Variants in TERT observed in about 807,000 individuals in gnomAD.
TERT encodes the protein telomerase catalytic subunit.
A neutral mutation model predicts 104.0 loss-of-function variants in TERT; 42 were observed. The ratio of observed to expected loss-of-function variants is 0.40; its 90% confidence interval spans 0.32 to 0.52. The LOEUF (loss-of-function observed/expected upper bound fraction) is 0.52, where lower values mean the gene tolerates loss of function less well. Among genes scored for constraint, TERT ranks in the 20% least tolerant of loss-of-function variants. The pLI, the probability that TERT is intolerant of heterozygous loss-of-function variation, is 0.43. For missense variants in TERT, 1,101 were observed against 1,610.3 expected (o/e 0.68, Z 5.41); for synonymous variants, 781 against 725.6 (o/e 1.08, Z -1.23).
rs553818689 is a variant in TERT, at chr5:1,253,589, C to T, written c.*139G>A. On this transcript the variant is annotated 3_prime_UTR_variant, in exon 16 of 16. Coordinates refer to ENST00000310581, the MANE Select transcript of TERT (RefSeq NM_198253.3). ...AGCCTTCAGCCGGACATGCAGGCCT[C>T]GGCCAAACACTCACTCAGGCCTCAG... 8.2e-6 allele frequency: 6 copies of T among 730,928 alleles called. No homozygotes were observed. Among genetic ancestry groups the T allele is most frequent in the South Asian group, 3.3e-5 (2 of 60,772 alleles). 45.3% of individuals were successfully genotyped at this position (730,928 alleles called of 1,614,324 possible).
rs766054124 is a variant in TERT, at chr5:1,294,162, C to G, written c.724G>C (p.Ala242Pro). ...LPLPKRPRRG[A>P]APEPERTPVG... The stretch of plus-strand genomic sequence containing the variant: ...GGCGTCCGCTCCGGCTCAGGGGCAG[C>G]GCCACGCCTGGGCCTCTTGGGCAAC... The change falls in exon 2 of 16, where the codon GCT (alanine) becomes CCT (proline). Residue 242 changes from alanine (A) to proline (P), a missense_variant. Coordinates refer to ENST00000310581, the MANE Select transcript of TERT (RefSeq NM_198253.3). 15 of 1,580,618 alleles carry G rather than the reference C, an allele frequency of 9.5e-6. No homozygotes were observed. The highest frequency in any genetic ancestry group is 1.3e-5 in the Non-Finnish European group (15 of 1,166,748).
intron 4 of TERT, 88 bp downstream of exon 4, chr5:1,280,070 C>G: frequency 1.3e-6 from 2 of 1,547,600 alleles, no homozygotes; most frequent in South Asian, 2.2e-5. Context: ...CGTGGCCCCT[C>G]CTCCGGGCCC....
At position 1,268,135 on chromosome 5, in the gene TERT, G is replaced by A. The variant is rs540488500; in HGVS notation, c.2582+385C>T. On this transcript the variant is annotated intron_variant, in intron 9 of 15. Coordinates refer to ENST00000310581, the MANE Select transcript of TERT (RefSeq NM_198253.3). This position sits in a 1 kb window ranked among gnomAD's most constrained non-coding sequence, Gnocchi z 5.5. ...AGGCGCCCAGTCCAGGCCACCTGTC[G>A]AGGGCCTGCTGGGAGATGTGGGGCC... Among the ~76,000 whole-genome samples, 4 of 152,354 alleles carry A rather than the reference G, an allele frequency of 2.6e-5. No individual in the cohort carries two copies. Among genetic ancestry groups the A allele is most frequent in the East Asian group, 3.9e-4 (2 of 5,186 alleles).
chr5:1,276,583 A>G (rs574388264), intron 6 of TERT, among the ~76,000 whole-genome samples: 3 of 150,340 alleles, frequency 2.0e-5, no homozygotes, highest in South Asian at 4.2e-4. Context: ...ATAAAAACCA[A>G]TCCCACAGAT....
chr5:1,277,257 C>T (rs1257535368), intron 6 of TERT, among the ~76,000 whole-genome samples: 3 of 152,204 alleles, frequency 2.0e-5, no homozygotes, highest in Admixed American at 6.5e-5. Context: ...CCCTAAAGCA[C>T]GTCTGTGACC....
In TERT at chr5:1,260,469, C is replaced by T; in HGVS notation, c.2970+5G>A. 4 of 1,613,900 alleles carry T rather than the reference C, an allele frequency of 2.5e-6. No individual in the cohort carries two copies. The South Asian group carries it at 3.3e-5, about 13-fold the overall frequency. ...GAACTCTGTGCTGACCATCAGCCTG[C>T]TCACCTGCAAATCCAGAAACAGGCT... On this transcript the variant is annotated splice_donor_5th_base_variant and intron_variant, in intron 12 of 15. Coordinates refer to ENST00000310581, the MANE Select transcript of TERT (RefSeq NM_198253.3).
In TERT at chr5:1,268,509, G is replaced by A. The variant is rs180675821; in HGVS notation, c.2582+11C>T. 748 of 1,610,360 alleles carry A rather than the reference G, an allele frequency of 4.6e-4. 5 individuals carry two copies. The East Asian group carries it at 0.015, about 32-fold the overall frequency. On this transcript the variant is annotated intron_variant, in intron 9 of 15. Transcript: ENST00000310581. This position sits in a 1 kb window ranked among gnomAD's most constrained non-coding sequence, Gnocchi z 5.5. ...CCCACCCAAGCCCCCCTGGGGAAGAGGAGGCCTCACCCGTCCCGCCGAATC... is the reference window on the plus strand; with the variant it reads ...CCCACCCAAGCCCCCCTGGGGAAGAAGAGGCCTCACCCGTCCCGCCGAATC...
intron 2 of TERT, among the ~76,000 whole-genome samples, chr5:1,290,581 G>A (rs1409427730): frequency 4.1e-5 from 3 of 73,302 alleles, no homozygotes; most frequent in African/African-American, 2.6e-4. Flanking sequence ...ACACGTGACA[G>A]GGACACCCGG....
At chr5:1,284,852 C>T (rs1750366254) in intron 2 of TERT, among the ~76,000 whole-genome samples, 1 of 148,338 alleles carries the variant, frequency 6.7e-6, no homozygotes, top group South Asian at 2.1e-4. Flanking sequence ...GCATATCCAG[C>T]TCACCGCACG....
intron 14 of TERT, among the ~76,000 whole-genome samples, chr5:1,254,833 C>T (rs769634125): frequency 3.3e-5 from 5 of 151,770 alleles, no homozygotes; most frequent in Non-Finnish European, 2.9e-5. Context: ...GAGGACGGCG[C>T]GGGGCTCTGT....
At position 1,293,928 on chromosome 5, in the gene TERT, G is replaced by A. The variant is rs1368428332; in HGVS notation, c.958C>T (p.Pro320Ser). The A allele has an allele frequency of 6.5e-7, 1 of 1,543,404 alleles. No homozygotes were observed. Among genetic ancestry groups the A allele is most frequent in the South Asian group, 1.2e-5 (1 of 84,198 alleles). Residue 320 changes from proline (P) to serine (S), a missense_variant, in exon 2 of 16, where the codon CCT becomes TCT. Around this residue, in one of 5 missense-constraint regions of TERT, gnomAD observed 504 missense variants for 544.6 expected, o/e 0.93. Coordinates refer to ENST00000310581, the MANE Select transcript of TERT (RefSeq NM_198253.3). ...GTCTCGGCGTACACCGGGGGACAAG[G>A]CGTGTCCCAGGGACGTGGTGGCCGC... Reference protein sequence around the residue: ...TSRPPRPWDTPCPPVYAETKH... With the variant: ...TSRPPRPWDTSCPPVYAETKH...
In TERT at chr5:1,263,852, C is replaced by T. The variant is rs1748395380; in HGVS notation, c.2843+552G>A. 6.6e-6 allele frequency among the ~76,000 whole-genome samples: 1 copy of T among 152,158 alleles called. No individual in the cohort carries two copies. Among genetic ancestry groups the T allele is most frequent in the Admixed American group, 6.5e-5 (1 of 15,276 alleles). ...CAAGACCCCAGAATTTTGTAGAGAC[C>T]CCCCCCACACCATGGCCCTGTCCCC... On this transcript the variant is annotated intron_variant, in intron 11 of 15. Coordinates refer to ENST00000310581, the MANE Select transcript of TERT (RefSeq NM_198253.3). This position sits in a 1 kb window ranked among gnomAD's most constrained non-coding sequence, Gnocchi z 5.3.
Position 1,263,965 on chromosome 5 carries a change from C to T in TERT, c.2843+439G>A, listed in dbSNP as rs921670852. Among the ~76,000 whole-genome samples the T allele has an allele frequency of 3.3e-5, 5 of 152,040 alleles. No individual in the cohort carries two copies. ...GTGGGGCTCACAGCGGAGAGACTCA[C>T]GCCCAAAAGGGCCCTGAAGTCTCTG... On this transcript the variant is annotated intron_variant, in intron 11 of 15. Transcript: ENST00000310581. The surrounding 1 kb of genome is among the most constrained non-coding windows in gnomAD (Gnocchi z 5.3).
rs1579599353 is a variant in TERT at position 1,294,968 on chromosome 5, G to C, written c.22C>G (p.Arg8Gly). ...CTGCGCAGCAGGGAGCGCACGGCTC[G>C]GCAGCGGGGAGCGCGCGGCATCGCG... MPRAPRC[R>G]AVRSLLRSHY... The change falls in exon 1 of 16, where the codon CGA becomes GGA. Residue 8 changes from arginine to glycine, a missense_variant. Arg to Gly is a moderately radical substitution (Grantham distance 125). Coordinates refer to ENST00000310581, the MANE Select transcript of TERT (RefSeq NM_198253.3). 1 of 1,338,470 alleles carries C rather than the reference G, an allele frequency of 7.5e-7. No homozygotes were observed. The highest frequency in any genetic ancestry group is 9.5e-7 in the Non-Finnish European group (1 of 1,051,674). The allele number at this position is 1,338,470 out of a possible 1,614,324, so 82.9% of individuals were successfully genotyped here.
At chr5:1,260,415 CAT>C (rs923465553) in intron 12 of TERT, 57 bp downstream of exon 12, 29 of 1,609,002 alleles carry the variant, frequency 1.8e-5, no homozygotes, top group Non-Finnish European at 2.2e-5. Context: ...CACACACACA[CAT>C]ACTTGCGCAC....
At position 1,268,653 on chromosome 5, in the gene TERT, G is replaced by A; in HGVS notation, c.2469-20C>T. 6.4e-7 allele frequency: 1 copy of A among 1,574,392 alleles called. No individual in the cohort carries two copies. Among genetic ancestry groups the A allele is most frequent in the African/African-American group, 1.3e-5 (1 of 74,270 alleles). Reference sequence around the variant, plus strand: ...TAGGACCTGGGGCGGGAAGACACAGGTGAGAGACGGGCAGGGCATGTGCTG... The same window carrying A: ...TAGGACCTGGGGCGGGAAGACACAGATGAGAGACGGGCAGGGCATGTGCTG... On this transcript the variant is annotated intron_variant, in intron 8 of 15. Transcript: ENST00000310581. The surrounding 1 kb of genome is among the most constrained non-coding windows in gnomAD (Gnocchi z 5.5).
intron 6 of TERT, among the ~76,000 whole-genome samples, chr5:1,272,486 C>T (rs577796934): frequency 1.3e-5 from 2 of 152,022 alleles, no homozygotes; most frequent in East Asian, 1.9e-4. Flanking sequence ...CCTGGGACTC[C>T]ACCTGCAGCT....
rs1748212437 is a variant in TERT, at chr5:1,261,347, T to C, written c.2844-747A>G. Among the ~76,000 whole-genome samples the C allele has an allele frequency of 6.6e-6, 1 of 152,184 alleles. No individual in the cohort carries two copies. Among genetic ancestry groups the C allele is most frequent in the African/African-American group, 2.4e-5 (1 of 41,440 alleles). The stretch of plus-strand genomic sequence containing the variant: ...AAGTTTTGTGATGCATAATATCTCC[T>C]TAGCCCTGTATTTGGGCAGGTTCGT... On this transcript the variant is annotated intron_variant, in intron 11 of 15. Transcript: ENST00000310581. This position sits in a 1 kb window ranked among gnomAD's most constrained non-coding sequence, Gnocchi z 7.4.
chr5:1,271,294 G>C, intron 7 of TERT, 90 bp from the exon 8 acceptor site: 3 of 929,306 alleles, frequency 3.2e-6, no homozygotes, highest in Non-Finnish European at 5.2e-6. Context: ...GTCCCTTTTG[G>C]GGTCAGTGTT....
Sources: gnomAD v4.1 joint callset for allele counts (sites outside exome capture counted in the v4.1 genomes callset) on GRCh38, gnomAD v4.1.1 for gene constraint, gnomAD v4.1.1 regional missense constraint, Gnocchi (gnomAD v3.1) non-coding constraint, MANE v1.5 for transcripts, NCBI Gene and HGNC (gene_info 2026-07-23, HGNC 2026-07-21) for gene names.